EPHA6: variants seen among roughly 807,000 people sequenced by gnomAD.
EPHA6 encodes ephrin type-A receptor 6.
In EPHA6, 50 loss-of-function variants were observed where a neutral mutation model predicts 112.0. That is an observed-to-expected ratio of 0.45 (90% CI 0.36 to 0.56). EPHA6 has a LOEUF of 0.56. EPHA6 is among the 20% of genes least tolerant of loss of function. The probability of loss-of-function intolerance (pLI) is 0.00; values close to 1 mark genes in which losing one functional copy is unlikely to be tolerated. For synonymous variants in EPHA6, 529 were observed against 490.7 expected (o/e 1.08, Z -1.03); for missense variants, 1,280 against 1,417.4 (o/e 0.90, Z 1.56).
At chr3:96,946,317 T>TA (rs574124544) in intron 2 of EPHA6, among the ~76,000 whole-genome samples, 4 of 151,148 alleles carry the variant, frequency 2.6e-5, no homozygotes, top group African/African-American at 9.8e-5. Flanking sequence ...ATGCTATCCC[T>TA]CCCCCCCTTC....
intron 11 of EPHA6, among the ~76,000 whole-genome samples, chr3:97,564,877 TTCAAGTAAATATCTGGCATATA>T (rs1388677014): frequency 1.3e-5 from 2 of 152,138 alleles, no homozygotes; most frequent in Admixed American, 6.5e-5. Flanking sequence ...TTAGGCATGT[TTCAAGTAAATATCTGGCATATA>T]TGGCACCTCG....
intron 5 of EPHA6, among the ~76,000 whole-genome samples, chr3:97,330,028 C>T (rs1291469517): frequency 6.6e-6 from 1 of 152,108 alleles, no homozygotes; most frequent in African/African-American, 2.4e-5. Context: ...TTTCAGCTTT[C>T]TACCTATGGC....
intron 11 of EPHA6, among the ~76,000 whole-genome samples, chr3:97,549,486 G>T (rs2093000867): frequency 6.6e-6 from 1 of 152,132 alleles, no homozygotes. Context: ...ATCTGTTAAA[G>T]GATCTGCTTC....
chr3:96,928,908 A>C (rs950836765), intron 2 of EPHA6, among the ~76,000 whole-genome samples: 4 of 152,140 alleles, frequency 2.6e-5, no homozygotes, highest in Admixed American at 6.6e-5. Flanking sequence ...TTGTTGGTTT[A>C]AAGTCTTTTG....
At chr3:96,918,749 T>C (rs1485623063) in intron 2 of EPHA6, among the ~76,000 whole-genome samples, 1 of 152,018 alleles carries the variant, frequency 6.6e-6, no homozygotes, top group African/African-American at 2.4e-5. Context: ...GCTTGAGGTA[T>C]GTGCTAGAAA....
At chr3:96,929,610 C>T (rs1200402423) in intron 2 of EPHA6, among the ~76,000 whole-genome samples, 2 of 152,196 alleles carry the variant, frequency 1.3e-5, no homozygotes, top group Non-Finnish European at 2.9e-5. Context: ...GTCTGTTGGG[C>T]TTCCCTTTGT....
chr3:97,057,370 C>G (rs2108107846), intron 3 of EPHA6, among the ~76,000 whole-genome samples: 1 of 152,312 alleles, frequency 6.6e-6, no homozygotes, highest in East Asian at 1.9e-4. Flanking sequence ...ACACAGGTTG[C>G]CTGGGGATTT....
chr3:97,382,554 C>T (rs2085814001), intron 5 of EPHA6, among the ~76,000 whole-genome samples: 2 of 152,104 alleles, frequency 1.3e-5, no homozygotes, highest in South Asian at 2.1e-4. Context: ...ACCCTGACTT[C>T]GGTATACCCA....
intron 14 of EPHA6, among the ~76,000 whole-genome samples, chr3:97,640,774 C>T (rs1439065454): frequency 7.3e-5 from 11 of 151,260 alleles, no homozygotes. Context: ...GAGTGAAACT[C>T]CATTTCAAAA....
chr3:97,021,987 T>A (rs185515765), intron 3 of EPHA6, among the ~76,000 whole-genome samples: 156 of 152,328 alleles, frequency 1.0e-3, no homozygotes, highest in South Asian at 4.8e-3. Flanking sequence ...ACAGGACATG[T>A]CTGACCCTGT....
chr3:97,563,137 C>A (rs1217731601), intron 11 of EPHA6, among the ~76,000 whole-genome samples: 3 of 152,008 alleles, frequency 2.0e-5, no homozygotes. Flanking sequence ...CTGAGGTATT[C>A]TTGTAATGCG....
chr3:97,545,471 T>G (rs527719867), intron 11 of EPHA6, among the ~76,000 whole-genome samples: 1 of 152,124 alleles, frequency 6.6e-6, no homozygotes, highest in Non-Finnish European at 1.5e-5. Context: ...TGCTGAGGAG[T>G]GCTTTACTTC....
chr3:97,402,446 G>A (rs907881702), intron 5 of EPHA6, among the ~76,000 whole-genome samples: 5 of 152,006 alleles, frequency 3.3e-5, no homozygotes, highest in East Asian at 1.9e-4. Context: ...CCTGATACAA[G>A]TATAGCTATT....
chr3:97,076,932 C>A (rs925602822), intron 3 of EPHA6, among the ~76,000 whole-genome samples: 7 of 152,052 alleles, frequency 4.6e-5, no homozygotes, highest in African/African-American at 1.7e-4. Context: ...AAAATGATTC[C>A]TCTCAAAATA....
At chr3:97,480,437 A>G (rs2091498654) in intron 9 of EPHA6, among the ~76,000 whole-genome samples, 1 of 152,050 alleles carries the variant, frequency 6.6e-6, no homozygotes, top group African/African-American at 2.4e-5. Flanking sequence ...GATGACTCTT[A>G]ACCAGCATGC....
chr3:97,507,858 GGGAT>G (rs2092286471), intron 10 of EPHA6, among the ~76,000 whole-genome samples: 1 of 152,084 alleles, frequency 6.6e-6, no homozygotes. Flanking sequence ...GATCTATTCA[GGGAT>G]TCGACTTCTT....
chr3:96,888,493 G>A (rs540293197), intron 2 of EPHA6, among the ~76,000 whole-genome samples: 4 of 152,228 alleles, frequency 2.6e-5, no homozygotes, highest in South Asian at 2.1e-4. Context: ...GGCCAAACCC[G>A]GATTCTTGAC....
intron 3 of EPHA6, among the ~76,000 whole-genome samples, chr3:97,198,525 A>C (rs1559792609): frequency 5.3e-5 from 8 of 151,824 alleles, no homozygotes. Flanking sequence ...TGTGGCATAC[A>C]AGCACTCTGG....
At chr3:97,257,488 G>A (rs2079354899) in intron 5 of EPHA6, among the ~76,000 whole-genome samples, 1 of 151,934 alleles carries the variant, frequency 6.6e-6, no homozygotes. Context: ...AGTAATGGTA[G>A]GCAATGTTTT....
Sources: gnomAD v4.1 joint callset for allele counts (sites outside exome capture counted in the v4.1 genomes callset) on GRCh38, gnomAD v4.1.1 for gene constraint, MANE v1.5 for transcripts, NCBI Gene and HGNC (gene_info 2026-07-23, HGNC 2026-07-21) for gene names.